The following PKHD1 variants were observed in gnomAD, a reference collection of about 807,000 sequenced individuals.
PKHD1 encodes PKHD1 ciliary IPT domain containing fibrocystin/polyductin.
PKHD1 carries 291 observed loss-of-function variants against 412.0 expected under a neutral mutation model. The ratio of observed to expected loss-of-function variants is 0.71; its 90% confidence interval spans 0.64 to 0.78. The LOEUF is 0.78. Among genes scored for constraint, PKHD1 ranks in the 30% least tolerant of loss-of-function variants. PKHD1 has a pLI of 0.00. For synonymous variants in PKHD1, 1,777 were observed against 1,821.5 expected (o/e 0.98, Z 0.62); for missense variants, 4,825 against 4,950.7 (o/e 0.97, Z 0.76).
rs766312557 is a variant in PKHD1 at position 51,883,161 on chromosome 6, C to G, written c.7282G>C (p.Asp2428His). 1 of 1,611,760 alleles carries G rather than the reference C, an allele frequency of 6.2e-7. No individual in the cohort carries two copies. The highest frequency in any genetic ancestry group is 1.3e-5 in the African/African-American group (1 of 74,996). Residue 2428 changes from aspartate to histidine, a missense_variant, in exon 46 of 67, where the codon GAC becomes CAC. Coordinates refer to ENST00000371117, the MANE Select transcript of PKHD1 (RefSeq NM_138694.4). ...KVYSCRDFGI[D>H]VLESDANTSV... is the part of the protein sequence containing the mutation. ...GTATTTGCATCACTTTCCAAGACGT[C>G]AATTCCAAAATCTCTGCATGAATAA... is the stretch of plus-strand genomic sequence containing the variant.
At chr6:51,673,366 A>G (rs1775306687) in intron 60 of PKHD1, among the ~76,000 whole-genome samples, 1 of 152,200 alleles carries the variant, frequency 6.6e-6, no homozygotes, top group Non-Finnish European at 1.5e-5. Context: ...AGCATTAATC[A>G]AAGCATTAAC....
chr6:51,654,895 C>T (rs1286872308), intron 61 of PKHD1, among the ~76,000 whole-genome samples: 4 of 152,004 alleles, frequency 2.6e-5, no homozygotes, highest in Non-Finnish European at 5.9e-5. Flanking sequence ...GGGTATTATG[C>T]AATCTTTGTC....
chr6:52,038,833 G>A (rs923665161), intron 27 of PKHD1, among the ~76,000 whole-genome samples: 2 of 152,254 alleles, frequency 1.3e-5, no homozygotes, highest in Admixed American at 1.3e-4. Context: ...TTAGGCAATA[G>A]TTTCTTAGAT....
chr6:52,013,691 TTTGGGGGATATGGTTTAAAATA>T (rs1304623357), intron 34 of PKHD1, among the ~76,000 whole-genome samples: 1 of 152,074 alleles, frequency 6.6e-6, no homozygotes, highest in Non-Finnish European at 1.5e-5. Flanking sequence ...ACATATTTAC[TTTGGGGGATATGGTTTAAAATA>T]TTGGGTAAAA....
In PKHD1 at chr6:52,025,500, C is replaced by T; in HGVS notation, c.4310G>A (p.Gly1437Glu). Residue 1437 changes from glycine (G) to glutamate (E), a missense_variant, in exon 32 of 67, where the codon GGA (glycine) becomes GAA (glutamate). Gly to Glu is a moderately conservative substitution (Grantham distance 98). Transcript: ENST00000371117. ...AACCTGGCAGAGAATGGTGTGGTCT[C>T]CCAAACTCAAAATCACACAAGTAAA... ...GPFTCVILSL[G>E]DHTILCQVSL... 1.2e-6 allele frequency: 2 copies of T among 1,613,614 alleles called. No individual in the cohort carries two copies. The highest frequency in any genetic ancestry group is 1.7e-6 in the Non-Finnish European group (2 of 1,179,612).
At chr6:51,673,034 G>A (rs1396831423) in intron 60 of PKHD1, among the ~76,000 whole-genome samples, 1 of 152,174 alleles carries the variant, frequency 6.6e-6, no homozygotes, top group African/African-American at 2.4e-5. Flanking sequence ...CATTCTTCTA[G>A]AGAGGACTTG....
In PKHD1 at chr6:52,069,499, T is replaced by C. The variant is rs776726642; in HGVS notation, c.736A>G (p.Ile246Val). The C allele has an allele frequency of 2.5e-6, 4 of 1,613,486 alleles. No homozygotes were observed. The highest frequency in any genetic ancestry group is 3.4e-6 in the Non-Finnish European group (4 of 1,179,530). ...AGGAAAAGATCCTGTTTAGCACTGA[T>C]CAGCCATGCCTTCTTGTGGACCATT... The part of the protein sequence containing the change: ...KSMVHKKAWL[I>V]SAKQDLFLYQ... The change falls in exon 11 of 67, where the codon ATC (isoleucine) becomes GTC (valine). Residue 246 changes from isoleucine to valine, a missense_variant. Coordinates refer to ENST00000371117, the MANE Select transcript of PKHD1 (RefSeq NM_138694.4).
rs561937905 is a variant in PKHD1, at chr6:51,659,314, A to C, written c.10812T>G (p.His3604Gln). 1 of 1,613,856 alleles carries C rather than the reference A, an allele frequency of 6.2e-7. No homozygotes were observed. The highest frequency in any genetic ancestry group is 8.5e-7 in the Non-Finnish European group (1 of 1,179,890). The change falls in exon 61 of 67, where the codon CAT (histidine) becomes CAG (glutamine). Residue 3604 changes from histidine to glutamine, a missense_variant. Transcript: ENST00000371117. ...CAGCAATGGCCTTTAAGGTCTCTTC[A>C]TGGCCAGGCATCTCGTGAATAAACC... is the stretch of plus-strand genomic sequence containing the variant. ...QIRFIHEMPG[H>Q]EETLKAIADS... is the part of the protein sequence containing the mutation.
intron 60 of PKHD1, among the ~76,000 whole-genome samples, chr6:51,693,952 T>A (rs1278698608): frequency 6.6e-6 from 1 of 152,162 alleles, no homozygotes; most frequent in African/African-American, 2.4e-5. Flanking sequence ...ACCCAGGCAA[T>A]CTGATTCAAA....
chr6:51,972,403 T>C (rs1793801182), intron 35 of PKHD1, among the ~76,000 whole-genome samples: 1 of 152,238 alleles, frequency 6.6e-6, no homozygotes, highest in South Asian at 2.1e-4. Flanking sequence ...TGGTATTTGA[T>C]AATGTGCAAG....
chr6:51,904,696 G>A (rs879329661), intron 41 of PKHD1, among the ~76,000 whole-genome samples: 5 of 152,136 alleles, frequency 3.3e-5, no homozygotes, highest in Non-Finnish European at 7.4e-5. Context: ...TACAATAGAT[G>A]TCAAAATCTT....
intron 52 of PKHD1, among the ~76,000 whole-genome samples, chr6:51,809,706 T>C (rs1428852856): frequency 6.6e-6 from 1 of 152,036 alleles, no homozygotes; most frequent in Non-Finnish European, 1.5e-5. Context: ...GACATATGAA[T>C]TTTTTGTTTA....
At chr6:51,647,989 A>C (rs766171124) in intron 63 of PKHD1, 42 bp downstream of exon 63, 3 of 1,088,902 alleles carry the variant, frequency 2.8e-6, no homozygotes, top group Non-Finnish European at 4.3e-6. Context: ...TGTGCAGATA[A>C]AGTGGTAACA....
chr6:51,915,905 G>A (rs1329716588), intron 37 of PKHD1, among the ~76,000 whole-genome samples: 1 of 152,058 alleles, frequency 6.6e-6, no homozygotes, highest in East Asian at 1.9e-4. Context: ...CTAAAAAGGG[G>A]AGAAGGTTTT....
chr6:51,881,073 TTC>T (rs1444857278), intron 46 of PKHD1, among the ~76,000 whole-genome samples: 79 of 80,692 alleles, frequency 9.8e-4, no homozygotes, highest in African/African-American at 3.5e-3. Context: ...CTCTTTTTCT[TTC>T]TTTTTTTTTT....
chr6:51,922,883 C>G (rs9370081), intron 37 of PKHD1, among the ~76,000 whole-genome samples: 1 of 152,018 alleles, frequency 6.6e-6, no homozygotes, highest in Admixed American at 6.5e-5. Context: ...ATTCCACAAC[C>G]CCCTGCACTT....
At chr6:51,632,286 G>A (rs765938339) in intron 65 of PKHD1, among the ~76,000 whole-genome samples, 4 of 152,058 alleles carry the variant, frequency 2.6e-5, no homozygotes, top group Non-Finnish European at 5.9e-5. Context: ...GGGTTGTTGT[G>A]TGGATTAAAT....
chr6:52,038,051 A>T (rs1433862371), intron 27 of PKHD1, among the ~76,000 whole-genome samples: 1 of 152,172 alleles, frequency 6.6e-6, no homozygotes, highest in Non-Finnish European at 1.5e-5. Context: ...TAAAAAAAAG[A>T]TAAGCCCTAA....
chr6:51,840,604 C>G (rs1158710748), intron 50 of PKHD1, among the ~76,000 whole-genome samples: 1 of 152,138 alleles, frequency 6.6e-6, no homozygotes, highest in Non-Finnish European at 1.5e-5. Context: ...ACCTACACAG[C>G]CTGAATCTCT....
Sources: gnomAD v4.1 joint callset for allele counts (sites outside exome capture counted in the v4.1 genomes callset) on GRCh38, gnomAD v4.1.1 for gene constraint, MANE v1.5 for transcripts, NCBI Gene and HGNC (gene_info 2026-07-23, HGNC 2026-07-21) for gene names.